Variants in PM20D1 observed in about 807,000 individuals in gnomAD.
PM20D1 encodes the protein peptidase M20 domain containing 1.
Under a neutral mutation model 53.8 loss-of-function variants are expected in PM20D1, and 53 were observed. That is an observed-to-expected ratio of 0.98 (90% CI 0.79 to 1.24). The LOEUF (loss-of-function observed/expected upper bound fraction) is 1.24, where lower values mean the gene tolerates loss of function less well. Ranked by LOEUF, PM20D1 falls within the 50% of genes most tolerant of loss-of-function variation. The pLI, the probability that PM20D1 is intolerant of heterozygous loss-of-function variation, is 0.00. For synonymous variants in PM20D1, 239 were observed against 241.3 expected (o/e 0.99, Z 0.09); for missense variants, 564 against 616.8 (o/e 0.91, Z 0.91).
At chr1:205,836,575 A>G (rs1037635314) in intron 10 of PM20D1, among the ~76,000 whole-genome samples, 3 of 152,082 alleles carry the variant, frequency 2.0e-5, no homozygotes, top group Non-Finnish European at 4.4e-5. Context: ...TGGTGTGATC[A>G]TAGCTCACTG....
chr1:205,841,916 G>A (rs1656819524), intron 8 of PM20D1, 27 bp from the exon 9 acceptor site: 1 of 1,544,604 alleles, frequency 6.5e-7, no homozygotes, highest in Non-Finnish European at 8.8e-7. Flanking sequence ...AAGGTCAGAT[G>A]TTAGAAAGAA....
rs1277119302 is a variant in PM20D1 at position 205,838,641 on chromosome 1, C to G, written c.1116+1611G>C. The stretch of plus-strand genomic sequence containing the variant: ...AGGTTCCCATGATGTTAATGACACT[C>G]CAGCCTATATCTCTAGTTCATATCT... On this transcript the variant is annotated intron_variant, in intron 10 of 12. Coordinates refer to ENST00000367136, the MANE Select transcript of PM20D1 (RefSeq NM_152491.5). Among the ~76,000 whole-genome samples the G allele has an allele frequency of 5.9e-5, 9 of 152,300 alleles. 1 individual carries two copies. The highest frequency in any genetic ancestry group is 3.4e-3 in the Middle Eastern group (1 of 294).
intron 11 of PM20D1, among the ~76,000 whole-genome samples, chr1:205,831,252 C>G (rs1373390802): frequency 6.6e-6 from 1 of 152,230 alleles, no homozygotes; most frequent in Non-Finnish European, 1.5e-5. Flanking sequence ...GTGTTTTGTT[C>G]CATCTTCCAC....
chr1:205,843,628 C>T (rs368552918), intron 6 of PM20D1, 39 bp downstream of exon 6: 5 of 1,590,374 alleles, frequency 3.1e-6, no homozygotes, highest in Non-Finnish European at 4.3e-6. Flanking sequence ...GGGCTTCCAT[C>T]TCAAGTCTGG....
chr1:205,841,144 T>A (rs1656796131), intron 9 of PM20D1, among the ~76,000 whole-genome samples: 1 of 152,086 alleles, frequency 6.6e-6, no homozygotes, highest in African/African-American at 2.4e-5. Flanking sequence ...CAGGTCCAGT[T>A]GTAAAATCTG....
chr1:205,846,854 C>T (rs991268882), intron 2 of PM20D1, among the ~76,000 whole-genome samples: 3 of 151,972 alleles, frequency 2.0e-5, no homozygotes, highest in South Asian at 2.1e-4. Flanking sequence ...ATCTTGTCAC[C>T]TAGCTTATCC....
chr1:205,834,783 G>A lies in PM20D1; in HGVS notation c.1117-2017C>T, dbSNP rs544669825. ...TTCCTTAGAAGTCCCTCCAGAAATC[G>A]AAGAAGGCATGCAGAATGGATCCCT... is the stretch of plus-strand genomic sequence containing the variant. On this transcript the variant is annotated intron_variant, in intron 10 of 12. Coordinates refer to ENST00000367136, the MANE Select transcript of PM20D1 (RefSeq NM_152491.5). Among the ~76,000 whole-genome samples the A allele has an allele frequency of 1.1e-4, 16 of 152,262 alleles. 1 individual carries two copies. The South Asian group carries it at 1.7e-3, about 16-fold the overall frequency.
chr1:205,830,529 A>G (rs563449235), intron 11 of PM20D1, 150 bp from the exon 12 acceptor site: 8 of 577,970 alleles, frequency 1.4e-5, no homozygotes, highest in Non-Finnish European at 2.5e-5. Flanking sequence ...CTATCCTTAC[A>G]AAAAGCACCA....
chr1:205,830,027 AGGTTCT>A, intron 12 of PM20D1: 1 of 394,584 alleles, frequency 2.5e-6, no homozygotes, highest in Non-Finnish European at 4.6e-6. Context: ...CGATTCCACC[AGGTTCT>A]CCCCAATCAC....
intron 10 of PM20D1, among the ~76,000 whole-genome samples, chr1:205,837,117 C>A (rs561440526): frequency 3.0e-4 from 45 of 152,194 alleles, no homozygotes; most frequent in Admixed American, 5.9e-4. Flanking sequence ...GCTGTCTCTT[C>A]GCTAGAATGT....
At chr1:205,839,229 G>A (rs1039631164) in intron 10 of PM20D1, among the ~76,000 whole-genome samples, 8 of 152,164 alleles carry the variant, frequency 5.3e-5, no homozygotes, top group African/African-American at 1.9e-4. Context: ...CACAATGAAT[G>A]TCTTACTTCT....
In PM20D1 at chr1:205,832,462, T is replaced by C; in HGVS notation, c.1285+136A>G. ...CTTCCACTCTGAAGGGAAAATACAG[T>C]TCTAGTCTCATCAGGAGGGGAAGCA... On this transcript the variant is annotated intron_variant, in intron 11 of 12. Transcript: ENST00000367136. 3 of 903,896 alleles carry C rather than the reference T, an allele frequency of 3.3e-6. No homozygotes were observed. In the South Asian group the frequency reaches 5.1e-5, roughly 15 times the overall value. 56.0% of individuals were successfully genotyped at this position (903,896 alleles called of 1,614,324 possible).
intron 12 of PM20D1, among the ~76,000 whole-genome samples, chr1:205,829,472 G>T (rs2102521236): frequency 6.6e-6 from 1 of 152,218 alleles, no homozygotes; most frequent in East Asian, 1.9e-4. Context: ...AGTTTTCTGT[G>T]GCACCTAGAA....
At chr1:205,836,809 C>T (rs1656696261) in intron 10 of PM20D1, among the ~76,000 whole-genome samples, 1 of 152,140 alleles carries the variant, frequency 6.6e-6, no homozygotes. Flanking sequence ...GGCCCTGCCT[C>T]TCCTTTTTTT....
chr1:205,835,064 A>C (rs1019694230), intron 10 of PM20D1, among the ~76,000 whole-genome samples: 22 of 152,320 alleles, frequency 1.4e-4, no homozygotes, highest in African/African-American at 4.8e-4. Flanking sequence ...TATCTGTCTG[A>C]CTTTACAGGA....
intron 10 of PM20D1, among the ~76,000 whole-genome samples, chr1:205,834,707 T>C (rs977656463): frequency 6.6e-6 from 1 of 152,250 alleles, no homozygotes; most frequent in African/African-American, 2.4e-5. Context: ...TTGGCAAGTT[T>C]CTGAAGTCAG....
chr1:205,831,256 C>T (rs1395597870), intron 11 of PM20D1, among the ~76,000 whole-genome samples: 1 of 152,236 alleles, frequency 6.6e-6, no homozygotes, highest in Non-Finnish European at 1.5e-5. Context: ...TTTGTTCCAT[C>T]TTCCACTCCT....
In PM20D1 at chr1:205,845,424, A is replaced by G; in HGVS notation, c.390T>C (p.Pro130=). Residue 130 remains proline (P), a synonymous_variant, in exon 3 of 13, where the codon CCT becomes CCC. Coordinates refer to ENST00000367136, the MANE Select transcript of PM20D1 (RefSeq NM_152491.5). The stretch of plus-strand genomic sequence containing the variant: ...GCACCTCCCAGCCTTCTTCAGGGGC[A>G]GGCACCACATCAAAGTGAGCCATCA... ...YLLMAHFDVV[P]APEEGWEVPP... is the part of the protein sequence containing the mutation. 1 of 1,614,212 alleles carries G rather than the reference A, an allele frequency of 6.2e-7. No individual in the cohort carries two copies. The highest frequency in any genetic ancestry group is 8.5e-7 in the Non-Finnish European group (1 of 1,180,042).
At chr1:205,839,538 G>T (rs1410837637) in intron 10 of PM20D1, among the ~76,000 whole-genome samples, 2 of 151,942 alleles carry the variant, frequency 1.3e-5, no homozygotes, top group Non-Finnish European at 2.9e-5. Flanking sequence ...AAATGTATGG[G>T]TATACCTTAG....
Sources: allele counts gnomAD v4.1 joint callset (sites outside exome capture counted in the v4.1 genomes callset), GRCh38; gene constraint gnomAD v4.1.1; transcripts MANE v1.5; gene names NCBI Gene and HGNC (gene_info 2026-07-23, HGNC 2026-07-21).